Variants in KLHL22 observed in about 807,000 individuals in gnomAD.
KLHL22 encodes kelch-like protein 22.
Under a neutral mutation model 60.7 loss-of-function variants are expected in KLHL22, and 18 were observed. The observed-to-expected ratio is 0.30, with a 90% CI of 0.20 to 0.44. KLHL22 has a LOEUF of 0.44. KLHL22 is among the 20% of genes least tolerant of loss of function. KLHL22 has a pLI of 1.00. For synonymous variants in KLHL22, 355 were observed against 354.5 expected (o/e 1.00, Z -0.01); for missense variants, 596 against 852.3 (o/e 0.70, Z 3.74).
At chr22:20,445,307 A>G (rs2052840826) in intron 6 of KLHL22, among the ~76,000 whole-genome samples, 1 of 147,892 alleles carries the variant, frequency 6.8e-6, no homozygotes, top group Admixed American at 6.9e-5. Context: ...CCCGGGTTCC[A>G]GCGATTCTCC....
At position 20,441,960 on chromosome 22, in the gene KLHL22, G is replaced by T; in HGVS notation, c.*113C>A. 1 of 1,130,988 alleles carries T rather than the reference G, an allele frequency of 8.8e-7. No homozygotes were observed. Among genetic ancestry groups the T allele is most frequent in the Non-Finnish European group, 1.2e-6 (1 of 825,748 alleles). 70.1% of individuals were successfully genotyped at this position (1,130,988 alleles called of 1,614,324 possible). On this transcript the variant is annotated 3_prime_UTR_variant, in exon 7 of 7. Transcript: ENST00000328879. ...AAAGAGGGCAGGGCCCATAAGCTGT[G>T]GCCAACAGGGGCAGGGGCCCTGCCT...
chr22:20,458,890 C>G (rs1462744716), intron 4 of KLHL22, among the ~76,000 whole-genome samples: 1 of 152,214 alleles, frequency 6.6e-6, no homozygotes, highest in Non-Finnish European at 1.5e-5. Context: ...CCACCCTGGA[C>G]TGCAGGCTCT....
At chr22:20,466,249 C>T (rs1440736124) in intron 3 of KLHL22, among the ~76,000 whole-genome samples, 1 of 151,798 alleles carries the variant, frequency 6.6e-6, no homozygotes, top group Non-Finnish European at 1.5e-5. Flanking sequence ...TGGCGCGCGC[C>T]TGTAATCCCA....
At position 20,465,691 on chromosome 22, in the gene KLHL22, G is replaced by A. The variant is rs1445836660; in HGVS notation, c.394-115C>T. 7.0e-6 allele frequency: 5 copies of A among 710,196 alleles called. No individual in the cohort carries two copies. In the East Asian group the frequency reaches 1.2e-4, roughly 18 times the overall value. 44.0% of individuals were successfully genotyped at this position (710,196 alleles called of 1,614,324 possible). On this transcript the variant is annotated intron_variant, in intron 3 of 6. Transcript: ENST00000328879. This position sits in a 1 kb window ranked among gnomAD's most constrained non-coding sequence, Gnocchi z 4.9. ...GTGGGCCAGGCAAAGCAGAAGGGAA[G>A]TCCTCCTTAATTGTCCCCGACCTTT...
intron 3 of KLHL22, among the ~76,000 whole-genome samples, chr22:20,466,445 G>A (rs1275988367): frequency 6.7e-6 from 1 of 149,374 alleles, no homozygotes; most frequent in Non-Finnish European, 1.5e-5. Context: ...AATGGTCACT[G>A]TGTCATATAT....
rs551538892 is a variant in KLHL22 at position 20,471,624 on chromosome 22, T to C, written c.228-109A>G. On this transcript the variant is annotated intron_variant, in intron 2 of 6. Transcript: ENST00000328879. ...GAACCTGGCGCTGGTGGCAGGGCCC[T>C]GGTAGTGGGCTGACCCACTCTGTGC... The C allele has an allele frequency of 2.4e-5, 29 of 1,183,750 alleles. No homozygotes were observed. The East Asian group carries it at 6.8e-4, about 28-fold the overall frequency. 73.3% of individuals were successfully genotyped at this position (1,183,750 alleles called of 1,614,324 possible).
chr22:20,442,499 C>G (rs1036448553), intron 6 of KLHL22, 61 bp from the exon 7 acceptor site: 4 of 1,502,428 alleles, frequency 2.7e-6, no homozygotes, highest in South Asian at 1.3e-5. Flanking sequence ...CCAGCTCCCC[C>G]ACAAGCCCAC....
intron 3 of KLHL22, among the ~76,000 whole-genome samples, chr22:20,470,400 A>AC (rs2053296576): frequency 6.6e-6 from 1 of 151,744 alleles, no homozygotes; most frequent in Admixed American, 6.6e-5. Flanking sequence ...CTGTAATCGC[A>AC]ACACTTTGGA....
intron 6 of KLHL22, among the ~76,000 whole-genome samples, chr22:20,444,576 T>C (rs544158309): frequency 4.3e-4 from 65 of 152,202 alleles, no homozygotes; most frequent in African/African-American, 1.5e-3. Flanking sequence ...AGTCTGAGAA[T>C]CACACTTTGA....
At chr22:20,460,489 G>C (rs992925838) in intron 4 of KLHL22, among the ~76,000 whole-genome samples, 1 of 151,722 alleles carries the variant, frequency 6.6e-6, no homozygotes, top group Non-Finnish European at 1.5e-5. Context: ...TGTGGCTGTA[G>C]TTCCAGCTAC....
chr22:20,469,754 G>A lies in KLHL22; in HGVS notation c.393+1596C>T, dbSNP rs1030244538. On this transcript the variant is annotated intron_variant, in intron 3 of 6. Transcript: ENST00000328879. Reference sequence around the variant, plus strand: ...GGCACCTCCACATGCCCCCGAACAGGTTGGTTTTCCTGTGACTTGAGTTGT... The same window carrying A: ...GGCACCTCCACATGCCCCCGAACAGATTGGTTTTCCTGTGACTTGAGTTGT... Among the ~76,000 whole-genome samples the A allele has an allele frequency of 8.1e-5, 11 of 135,704 alleles. No individual in the cohort carries two copies. In the South Asian group the frequency reaches 2.8e-3, roughly 35 times the overall value. The allele number at this position is 135,704 out of a possible 152,430, so 89.0% of individuals were successfully genotyped here.
At chr22:20,472,204 A>C (rs556979725) in intron 2 of KLHL22, among the ~76,000 whole-genome samples, 8 of 152,328 alleles carry the variant, frequency 5.3e-5, no homozygotes, top group Non-Finnish European at 7.4e-5. Context: ...CCAAGATTGC[A>C]CCACTGCACT....
At chr22:20,473,742 G>A (rs2053364423) in intron 2 of KLHL22, among the ~76,000 whole-genome samples, 2 of 152,112 alleles carry the variant, frequency 1.3e-5, no homozygotes, top group Non-Finnish European at 2.9e-5. Flanking sequence ...GGTCATGGTG[G>A]CACATGCCTG....
At chr22:20,478,122 A>T (rs1425551999) in intron 2 of KLHL22, among the ~76,000 whole-genome samples, 1 of 152,188 alleles carries the variant, frequency 6.6e-6, no homozygotes, top group Non-Finnish European at 1.5e-5. Flanking sequence ...ATCAGAGAGA[A>T]AAAAGAGCCC....
intron 2 of KLHL22, among the ~76,000 whole-genome samples, chr22:20,476,288 G>A (rs2053410763): frequency 6.6e-6 from 1 of 151,970 alleles, no homozygotes; most frequent in South Asian, 2.1e-4. Flanking sequence ...GCTCGTGCAT[G>A]TACTTCTGTC....
intron 2 of KLHL22, among the ~76,000 whole-genome samples, chr22:20,480,183 C>A (rs753390394): frequency 6.6e-6 from 1 of 152,074 alleles, no homozygotes; most frequent in Admixed American, 6.6e-5. Flanking sequence ...ATGGTAGCTG[C>A]CAGGGCCTGG....
chr22:20,448,035 G>C (rs2052905196), intron 5 of KLHL22, among the ~76,000 whole-genome samples: 1 of 152,134 alleles, frequency 6.6e-6, no homozygotes, highest in South Asian at 2.1e-4. Context: ...ATCCCGAGGG[G>C]CTGCCCTTTA....
Position 20,458,049 on chromosome 22 carries a change from G to A in KLHL22, c.1113-49C>T, listed in dbSNP as rs573928663. 10 of 1,593,552 alleles carry A rather than the reference G, an allele frequency of 6.3e-6. No individual in the cohort carries two copies. In the South Asian group the frequency reaches 1.0e-4, roughly 16 times the overall value. On this transcript the variant is annotated intron_variant, in intron 4 of 6. Coordinates refer to ENST00000328879, the MANE Select transcript of KLHL22 (RefSeq NM_032775.4). ...ACAGCACTGACTAGGCAGGGAGGCT[G>A]CTCCGCAGGCTTGCACCTCTTGTTC...
At chr22:20,491,521 G>A (rs2053690447) in intron 1 of KLHL22, 1 of 152,106 alleles carries the variant, frequency 6.6e-6, no homozygotes, top group Non-Finnish European at 1.5e-5. Flanking sequence ...CAAGAAATGA[G>A]ACAAGACCAA....
Sources: allele counts gnomAD v4.1 joint callset (sites outside exome capture counted in the v4.1 genomes callset), GRCh38; gene constraint gnomAD v4.1.1; non-coding constraint Gnocchi (gnomAD v3.1); transcripts MANE v1.5; gene names NCBI Gene and HGNC (gene_info 2026-07-23, HGNC 2026-07-21).